The following FEM1C variants were observed in gnomAD, a reference collection of about 807,000 sequenced individuals.
The protein encoded by FEM1C is protein fem-1 homolog C.
A neutral mutation model predicts 37.6 loss-of-function variants in FEM1C; 15 were observed. That is an observed-to-expected ratio of 0.40 (90% CI 0.27 to 0.61). The LOEUF is 0.61. Ranked by LOEUF, FEM1C falls within the 20% of genes least tolerant of loss-of-function variation. The pLI is 0.42. For synonymous variants in FEM1C, 287 were observed against 272.8 expected (o/e 1.05, Z -0.51); for missense variants, 532 against 749.7 (o/e 0.71, Z 3.39).
chr5:115,526,529 G>A (rs967243746), intron 2 of FEM1C, among the ~76,000 whole-genome samples: 1 of 152,098 alleles, frequency 6.6e-6, no homozygotes, highest in Non-Finnish European at 1.5e-5. Context: ...ATTAGTAAAA[G>A]CCTGTATGAA....
intron 2 of FEM1C, among the ~76,000 whole-genome samples, chr5:115,527,166 T>C (rs1412780384): frequency 6.6e-6 from 1 of 152,138 alleles, no homozygotes; most frequent in East Asian, 1.9e-4. Flanking sequence ...GACATTACAG[T>C]AATAAATCTT....
At chr5:115,530,826 A>C (rs1753999791) in intron 2 of FEM1C, among the ~76,000 whole-genome samples, 1 of 152,112 alleles carries the variant, frequency 6.6e-6, no homozygotes, top group South Asian at 2.1e-4. Context: ...TGATCATAAA[A>C]AGCACTAAAT....
At chr5:115,543,709 G>C in intron 1 of FEM1C, 26 bp from the exon 2 acceptor site, 1 of 1,337,314 alleles carries the variant, frequency 7.5e-7, no homozygotes. Context: ...AAAAGTAGCA[G>C]CATTTAATTT....
chr5:115,528,140 A>G (rs1753941983), intron 2 of FEM1C, among the ~76,000 whole-genome samples: 1 of 152,126 alleles, frequency 6.6e-6, no homozygotes, highest in South Asian at 2.1e-4. Flanking sequence ...AAAACAAACA[A>G]TAAGGAAGAC....
rs1268428995 is a variant in FEM1C at position 115,523,231 on chromosome 5, CT to C, written c.*1076del. The C allele has an allele frequency of 6.6e-6, 1 of 152,454 alleles. No homozygotes were observed. The allele number at this position is 152,454 out of a possible 1,614,324, so 9.4% of individuals were successfully genotyped here. A position where few individuals can be genotyped will look rare whatever the true frequency, so the allele number is the denominator to read the frequency against. On this transcript the variant is annotated 3_prime_UTR_variant, in exon 3 of 3. Coordinates refer to ENST00000274457, the MANE Select transcript of FEM1C (RefSeq NM_020177.3). ...CCTTAATTATCCTAGATGCCTAGAT[CT>C]GGCTTGGCAAGCATCATGCCACTGA... is the stretch of plus-strand genomic sequence containing the variant.
At chr5:115,525,735 A>C (rs1753877325) in intron 2 of FEM1C, 118 bp from the exon 3 acceptor site, 7 of 767,784 alleles carry the variant, frequency 9.1e-6, no homozygotes, top group Non-Finnish European at 1.4e-5. Context: ...CCTAAGTAGG[A>C]CATACTTGGT....
rs1461576612 is a variant in FEM1C at position 115,521,455 on chromosome 5, T to C, written c.*2853A>G. The stretch of plus-strand genomic sequence containing the variant: ...GGCACCAAATTATCTTTGATTTGGG[T>C]TTATGCCTGTCAGATTTATGAATAA... On this transcript the variant is annotated 3_prime_UTR_variant, in exon 3 of 3. Coordinates refer to ENST00000274457, the MANE Select transcript of FEM1C (RefSeq NM_020177.3). 6.6e-6 allele frequency: 1 copy of C among 151,850 alleles called. No individual in the cohort carries two copies. The highest frequency in any genetic ancestry group is 2.1e-4 in the South Asian group (1 of 4,832). The allele number at this position is 151,850 out of a possible 1,614,324, so 9.4% of individuals were successfully genotyped here. A position where few individuals can be genotyped will look rare whatever the true frequency, so the allele number is the denominator to read the frequency against.
Position 115,543,627 on chromosome 5 carries a change from C to T in FEM1C, c.-134G>A, listed in dbSNP as rs1170250458. On this transcript the variant is annotated 5_prime_UTR_variant, in exon 2 of 3. Transcript: ENST00000274457. ...CTGCACCCCAGAACGGATACACAAC[C>T]ACGAAGAGTATGTTCCGTCCTACTG... 13 of 1,444,882 alleles carry T rather than the reference C, an allele frequency of 9.0e-6. No homozygotes were observed. Among genetic ancestry groups the T allele is most frequent in the Non-Finnish European group, 1.2e-5 (13 of 1,105,388 alleles). The allele number at this position is 1,444,882 out of a possible 1,614,324, so 89.5% of individuals were successfully genotyped here.
intron 2 of FEM1C, among the ~76,000 whole-genome samples, chr5:115,542,562 C>G (rs1044928515): frequency 1.2e-4 from 11 of 88,346 alleles, no homozygotes; most frequent in East Asian, 2.5e-4. Flanking sequence ...CAAGGTTGTT[C>G]TAAAAAAAAA....
intron 2 of FEM1C, among the ~76,000 whole-genome samples, chr5:115,526,635 G>T (rs949342730): frequency 7.9e-5 from 12 of 151,990 alleles, no homozygotes; most frequent in African/African-American, 2.9e-4. Context: ...GCCGACCTCT[G>T]GTATTTACAT....
chr5:115,539,214 A>ACC (rs1171165255), intron 2 of FEM1C, among the ~76,000 whole-genome samples: 2 of 152,050 alleles, frequency 1.3e-5, no homozygotes, highest in African/African-American at 4.8e-5. Flanking sequence ...AGCGTTTTCT[A>ACC]TTGGTCTGTA....
chr5:115,535,771 T>C (rs571672816), intron 2 of FEM1C, among the ~76,000 whole-genome samples: 2 of 151,926 alleles, frequency 1.3e-5, no homozygotes, highest in South Asian at 4.1e-4. Flanking sequence ...TGAAAACATA[T>C]ATCCACAGAA....
chr5:115,525,573 T>C lies in FEM1C; in HGVS notation c.589A>G (p.Ile197Val). 6.2e-7 allele frequency: 1 copy of C among 1,613,524 alleles called. No individual in the cohort carries two copies. Among genetic ancestry groups the C allele is most frequent in the Non-Finnish European group, 8.5e-7 (1 of 1,179,690 alleles). Reference protein sequence around the residue: ...HDCAESGSLDIMKMLLMYCAK... With the variant: ...HDCAESGSLDVMKMLLMYCAK... ...CAATACATAAGAAGCATCTTCATGA[T>C]GTCCAAACTTCCAGATTCTGCACAA... is the stretch of plus-strand genomic sequence containing the variant. The change falls in exon 3 of 3, where the codon ATC (isoleucine) becomes GTC (valine). Residue 197 changes from isoleucine to valine, a missense_variant. Coordinates refer to ENST00000274457, the MANE Select transcript of FEM1C (RefSeq NM_020177.3).
rs1753808004 is a variant in FEM1C, at chr5:115,523,001, G to A, written c.*1307C>T. 1 of 152,216 alleles carries A rather than the reference G, an allele frequency of 6.6e-6. No homozygotes were observed. Among genetic ancestry groups the A allele is most frequent in the African/African-American group, 2.4e-5 (1 of 41,376 alleles). The allele number at this position is 152,216 out of a possible 1,614,324, so 9.4% of individuals were successfully genotyped here. ...AGAAAGAGTGAGAGAAAGAAAGGAA[G>A]AAAGAGAAAAGAAAAAGCTAACTTC... On this transcript the variant is annotated 3_prime_UTR_variant, in exon 3 of 3. Coordinates refer to ENST00000274457, the MANE Select transcript of FEM1C (RefSeq NM_020177.3).
chr5:115,543,800 C>G lies in FEM1C; in HGVS notation c.-190-117G>C, dbSNP rs926621502. The G allele has an allele frequency of 1.7e-5, 19 of 1,097,384 alleles. No homozygotes were observed. In the African/African-American group the frequency reaches 3.3e-4, roughly 19 times the overall value. 68.0% of individuals were successfully genotyped at this position (1,097,384 alleles called of 1,614,324 possible). A position where few individuals can be genotyped will look rare whatever the true frequency, so the allele number is the denominator to read the frequency against. On this transcript the variant is annotated intron_variant, in intron 1 of 2. Coordinates refer to ENST00000274457, the MANE Select transcript of FEM1C (RefSeq NM_020177.3). ...TAAAAGCTATACTTCAGGCACTACTCCATCCCACACACCCCCCCCACCCCC... is the reference window on the plus strand; with the variant it reads ...TAAAAGCTATACTTCAGGCACTACTGCATCCCACACACCCCCCCCACCCCC...
chr5:115,527,137 T>C (rs1753911333), intron 2 of FEM1C, among the ~76,000 whole-genome samples: 1 of 152,132 alleles, frequency 6.6e-6, no homozygotes, highest in African/African-American at 2.4e-5. Context: ...CCCCTCATAA[T>C]TCAGCTGCAT....
chr5:115,542,874 C>G (rs1220828080), intron 2 of FEM1C, 76 bp downstream of exon 2: 1 of 1,527,614 alleles, frequency 6.5e-7, no homozygotes, highest in Non-Finnish European at 8.8e-7. Context: ...TACTCAACAC[C>G]AGTGCTTATA....
chr5:115,524,227 T>C lies in FEM1C; in HGVS notation c.*81A>G. On this transcript the variant is annotated 3_prime_UTR_variant, in exon 3 of 3. Coordinates refer to ENST00000274457, the MANE Select transcript of FEM1C (RefSeq NM_020177.3). ...GATATCAATCAAGCTAAATGAATGC[T>C]GGTGTTATCACAACAGTGCTCATTT... 1.8e-6 allele frequency: 2 copies of C among 1,101,030 alleles called. No homozygotes were observed. The highest frequency in any genetic ancestry group is 4.9e-5 in the East Asian group (2 of 40,984). The allele number at this position is 1,101,030 out of a possible 1,614,324, so 68.2% of individuals were successfully genotyped here. A position where few individuals can be genotyped will look rare whatever the true frequency, so the allele number is the denominator to read the frequency against.
At chr5:115,531,706 T>A (rs2127171478) in intron 2 of FEM1C, among the ~76,000 whole-genome samples, 1 of 152,248 alleles carries the variant, frequency 6.6e-6, no homozygotes, top group South Asian at 2.1e-4. Context: ...AACTTTTACT[T>A]TTGTACTCTA....
Sources: allele counts gnomAD v4.1 joint callset (sites outside exome capture counted in the v4.1 genomes callset), GRCh38; gene constraint gnomAD v4.1.1; transcripts MANE v1.5; gene names NCBI Gene and HGNC (gene_info 2026-07-23, HGNC 2026-07-21).